ZDHHC14: variants seen among roughly 807,000 people sequenced by gnomAD.
ZDHHC14 encodes zDHHC palmitoyltransferase 14, also known as palmitoyltransferase ZDHHC14.
ZDHHC14 carries 16 observed loss-of-function variants against 47.7 expected under a neutral mutation model. The ratio of observed to expected loss-of-function variants is 0.34; its 90% CI spans 0.23 to 0.51. ZDHHC14 has a LOEUF of 0.51. Among genes scored for constraint, ZDHHC14 ranks in the 20% least tolerant of loss-of-function variants. The pLI, the probability that ZDHHC14 is intolerant of heterozygous loss-of-function variation, is 0.97. For synonymous variants in ZDHHC14, 293 were observed against 278.9 expected (o/e 1.05, Z -0.50); for missense variants, 515 against 662.5 (o/e 0.78, Z 2.44).
chr6:157,464,050 T>C lies in ZDHHC14; in HGVS notation c.246-78535T>C, dbSNP rs974033655. On this transcript the variant is annotated intron_variant, in intron 1 of 8. Transcript: ENST00000359775. ...AAAAAATAAAATAAAATAAAATAAA[T>C]TAACACTAATGATGAAACTTTTAAA... 2.0e-5 allele frequency among the ~76,000 whole-genome samples: 3 copies of C among 152,042 alleles called. No homozygotes were observed. In the East Asian group the frequency reaches 5.8e-4, roughly 29 times the overall value.
At chr6:157,408,493 C>G (rs2114754992) in intron 1 of ZDHHC14, among the ~76,000 whole-genome samples, 1 of 152,294 alleles carries the variant, frequency 6.6e-6, no homozygotes, top group East Asian at 1.9e-4. Flanking sequence ...TTGTTCCCCT[C>G]CCTGTGTCCA....
chr6:157,461,483 G>A (rs2114814863), intron 1 of ZDHHC14, among the ~76,000 whole-genome samples: 1 of 152,326 alleles, frequency 6.6e-6, no homozygotes, highest in East Asian at 1.9e-4. Context: ...TACGTGTACA[G>A]TCCGTTACGG....
intron 1 of ZDHHC14, among the ~76,000 whole-genome samples, chr6:157,439,768 A>C (rs1778525712): frequency 6.6e-6 from 1 of 152,192 alleles, no homozygotes; most frequent in Non-Finnish European, 1.5e-5. Context: ...CCAAATGCCC[A>C]TCAATGATAG....
intron 2 of ZDHHC14, among the ~76,000 whole-genome samples, chr6:157,580,382 G>C (rs1260240252): frequency 6.6e-6 from 1 of 152,036 alleles, no homozygotes; most frequent in Non-Finnish European, 1.5e-5. Context: ...TCTCTGCCTG[G>C]TTTTGTATCA....
At chr6:157,485,453 T>C (rs1779755070) in intron 1 of ZDHHC14, among the ~76,000 whole-genome samples, 1 of 152,230 alleles carries the variant, frequency 6.6e-6, no homozygotes, top group African/African-American at 2.4e-5. Flanking sequence ...TTCTGAGTCT[T>C]AGCCCAAACG....
At chr6:157,623,906 C>A (rs1583033968) in intron 3 of ZDHHC14, among the ~76,000 whole-genome samples, 1 of 152,124 alleles carries the variant, frequency 6.6e-6, no homozygotes, top group Non-Finnish European at 1.5e-5. Context: ...AAGACCACTC[C>A]CTTTTGGCAG....
At chr6:157,575,229 T>C (rs1273621591) in intron 2 of ZDHHC14, among the ~76,000 whole-genome samples, 2 of 152,206 alleles carry the variant, frequency 1.3e-5, no homozygotes, top group Non-Finnish European at 2.9e-5. Context: ...CCACCCTCAT[T>C]AGGGAGAGTA....
Position 157,383,204 on chromosome 6 carries a change from T to G in ZDHHC14, c.245+938T>G, listed in dbSNP as rs191620857. ...ATTCCAATCAATTTTGGTTGCTTTTTTTGCATCCAACATTTGGAATGCAAC... is the reference window on the plus strand; with the variant it reads ...ATTCCAATCAATTTTGGTTGCTTTTGTTGCATCCAACATTTGGAATGCAAC... On this transcript the variant is annotated intron_variant, in intron 1 of 8. Transcript: ENST00000359775. Among the ~76,000 whole-genome samples, 35 of 152,336 alleles carry G rather than the reference T, an allele frequency of 2.3e-4. No individual in the cohort carries two copies. The East Asian group carries it at 4.6e-3, about 20-fold the overall frequency.
chr6:157,615,938 G>A (rs1784947621), intron 3 of ZDHHC14, among the ~76,000 whole-genome samples: 1 of 152,198 alleles, frequency 6.6e-6, no homozygotes, highest in East Asian at 1.9e-4. Flanking sequence ...GAGAGAGGGG[G>A]CCAGAGGCCT....
At chr6:157,608,701 G>T (rs565377916) in intron 3 of ZDHHC14, among the ~76,000 whole-genome samples, 19 of 152,152 alleles carry the variant, frequency 1.2e-4, no homozygotes, top group African/African-American at 4.6e-4. Flanking sequence ...TATAAGCCAC[G>T]CAAAAGAGTT....
intron 8 of ZDHHC14, among the ~76,000 whole-genome samples, chr6:157,657,418 T>C (rs1778150398): frequency 6.6e-6 from 1 of 152,088 alleles, no homozygotes; most frequent in Non-Finnish European, 1.5e-5. Context: ...AAAGCACTGT[T>C]GGGTATAAAG....
intron 3 of ZDHHC14, among the ~76,000 whole-genome samples, chr6:157,596,676 C>T (rs762047452): frequency 3.9e-5 from 6 of 152,216 alleles, no homozygotes; most frequent in Middle Eastern, 3.4e-3. Flanking sequence ...GTTGTCTGAA[C>T]GCTCCCAGCT....
intron 5 of ZDHHC14, among the ~76,000 whole-genome samples, chr6:157,635,097 G>A (rs1276171693): frequency 1.3e-5 from 2 of 152,056 alleles, no homozygotes; most frequent in African/African-American, 2.4e-5. Context: ...GGGTTCAAGC[G>A]ATTCTCCTGC....
At chr6:157,459,704 G>T (rs866205245) in intron 1 of ZDHHC14, among the ~76,000 whole-genome samples, 4 of 152,128 alleles carry the variant, frequency 2.6e-5, no homozygotes, top group Non-Finnish European at 5.9e-5. Context: ...AGGGGTAGAT[G>T]GGGGGACAGC....
chr6:157,612,921 C>T (rs760572453), intron 3 of ZDHHC14, among the ~76,000 whole-genome samples: 3 of 151,886 alleles, frequency 2.0e-5, no homozygotes, highest in African/African-American at 4.8e-5. Flanking sequence ...AAAAAAGCCT[C>T]GGGCACCCAA....
chr6:157,485,059 C>T (rs1032774445), intron 1 of ZDHHC14, among the ~76,000 whole-genome samples: 2 of 151,886 alleles, frequency 1.3e-5, no homozygotes, highest in East Asian at 1.9e-4. Flanking sequence ...ATCGCGCCAC[C>T]GCACTCCAGC....
At chr6:157,660,676 A>C (rs910307356) in intron 8 of ZDHHC14, among the ~76,000 whole-genome samples, 7 of 152,146 alleles carry the variant, frequency 4.6e-5, no homozygotes, top group African/African-American at 1.7e-4. Context: ...GTTAAGTCAG[A>C]ATCCTAGGGT....
rs528918958 is a variant in ZDHHC14, at chr6:157,400,415, G to T, written c.245+18149G>T. Among the ~76,000 whole-genome samples, 68 of 152,248 alleles carry T rather than the reference G, an allele frequency of 4.5e-4. 1 individual carries two copies. The highest frequency in any genetic ancestry group is 1.6e-3 in the African/African-American group (68 of 41,556). ...ACAGTGCCCTTCAAACTTTTAAAGG[G>T]TGACCTACACCCTCTACATCCAGCA... On this transcript the variant is annotated intron_variant, in intron 1 of 8. Transcript: ENST00000359775.
rs1186417113 is a variant in ZDHHC14, at chr6:157,381,255, C to G, written c.-767C>G. ...CTCCTCGCGCCGGGGCCGCTTCCTC[C>G]GGGTAGGAGGGAGCAAGGGAGCCCT... On this transcript the variant is annotated 5_prime_UTR_variant, in exon 1 of 9. Coordinates refer to ENST00000359775, the MANE Select transcript of ZDHHC14 (RefSeq NM_024630.3). 6.0e-5 allele frequency: 9 copies of G among 148,762 alleles called. No individual in the cohort carries two copies. The East Asian group carries it at 1.8e-3, about 31-fold the overall frequency. The allele number at this position is 148,762 out of a possible 1,614,324, so 9.2% of individuals were successfully genotyped here. A position where few individuals can be genotyped will look rare whatever the true frequency, so the allele number is the denominator to read the frequency against.
Sources: allele counts gnomAD v4.1 joint callset (sites outside exome capture counted in the v4.1 genomes callset), GRCh38; gene constraint gnomAD v4.1.1; transcripts MANE v1.5; gene names NCBI Gene and HGNC (gene_info 2026-07-23, HGNC 2026-07-21).